The following SHC3 variants were observed in gnomAD, a reference collection of about 807,000 sequenced individuals.
SHC3 encodes the protein SHC adaptor protein 3.
Under a neutral mutation model 60.4 loss-of-function variants are expected in SHC3, and 15 were observed. The observed-to-expected ratio is 0.25, with a 90% CI of 0.17 to 0.38. SHC3 has a LOEUF of 0.38. Among genes scored for constraint, SHC3 ranks in the 10% least tolerant of loss-of-function variants. SHC3 has a pLI of 1.00. For synonymous variants in SHC3, 294 were observed against 325.9 expected (o/e 0.90, Z 1.05); for missense variants, 677 against 786.1 (o/e 0.86, Z 1.66).
At chr9:89,169,114 T>C (rs1032279762) in intron 1 of SHC3, among the ~76,000 whole-genome samples, 3 of 152,186 alleles carry the variant, frequency 2.0e-5, no homozygotes, top group African/African-American at 7.2e-5. Flanking sequence ...CAACTCTTGG[T>C]TCTGTTTCTC....
intron 11 of SHC3, 117 bp from the exon 12 acceptor site, chr9:89,013,692 C>A (rs1826047886): frequency 9.2e-6 from 13 of 1,413,658 alleles, no homozygotes; most frequent in African/African-American, 1.5e-5. Context: ...GAGGGGGGGA[C>A]AAGGGGCTTC....
intron 1 of SHC3, among the ~76,000 whole-genome samples, chr9:89,171,430 A>G (rs1256385488): frequency 6.6e-6 from 1 of 152,232 alleles, no homozygotes; most frequent in Non-Finnish European, 1.5e-5. Flanking sequence ...GTGAAGGCCA[A>G]GTTCCAGAGT....
rs772159846 is a variant in SHC3, at chr9:89,038,044, G to A, written c.1605C>T (p.Gly535=). 18 of 1,613,386 alleles carry A rather than the reference G, an allele frequency of 1.1e-5. No homozygotes were observed. The East Asian group carries it at 4.0e-4, about 36-fold the overall frequency. Residue 535 remains glycine (G), a synonymous_variant, in exon 11 of 12, where the codon GGC becomes GGT. Transcript: ENST00000375835. Reference sequence around the variant, plus strand: ...GGTGCTTGGCCTGGCCATTGTGCATGCCCGTGAGGACAAAGGAGCCCGGGT... The same window carrying A: ...GGTGCTTGGCCTGGCCATTGTGCATACCCGTGAGGACAAAGGAGCCCGGGT... The part of the protein sequence containing the change: ...TTNPGSFVLT[G]MHNGQAKHLL...
intron 6 of SHC3, among the ~76,000 whole-genome samples, chr9:89,063,144 T>G (rs952188477): frequency 6.6e-6 from 1 of 152,216 alleles, no homozygotes; most frequent in African/African-American, 2.4e-5. Flanking sequence ...GACAGCTTTT[T>G]TTTTGAGACG....
At chr9:89,063,927 T>C (rs1442269968) in intron 6 of SHC3, among the ~76,000 whole-genome samples, 2 of 152,254 alleles carry the variant, frequency 1.3e-5, no homozygotes, top group African/African-American at 2.4e-5. Context: ...CACCACAGGC[T>C]GGGTGACTTC....
intron 1 of SHC3, among the ~76,000 whole-genome samples, chr9:89,124,690 G>T (rs1293665644): frequency 6.6e-6 from 1 of 152,042 alleles, no homozygotes; most frequent in African/African-American, 2.4e-5. Flanking sequence ...CCTGTCAGGG[G>T]GTGAGGGGAA....
At chr9:89,073,771 A>T (rs1353283764) in intron 4 of SHC3, among the ~76,000 whole-genome samples, 2 of 152,176 alleles carry the variant, frequency 1.3e-5, no homozygotes, top group African/African-American at 4.8e-5. Flanking sequence ...CAGGGAGAAG[A>T]TCCCACAGAT....
chr9:89,090,084 T>C (rs1825598499), intron 2 of SHC3, among the ~76,000 whole-genome samples: 1 of 152,180 alleles, frequency 6.6e-6, no homozygotes, highest in African/African-American at 2.4e-5. Context: ...GCAGACAGCA[T>C]CTCATTTGAT....
rs540341270 is a variant in SHC3, at chr9:89,112,839, A to G, written c.475-213T>C. Among the ~76,000 whole-genome samples the G allele has an allele frequency of 3.9e-5, 6 of 152,258 alleles. No homozygotes were observed. The East Asian group carries it at 1.2e-3, about 29-fold the overall frequency. ...AGTGGTTAGATTGGCACTACACTGGATTTTTCTAAAACCTGTTAGTATTTT... is the reference window on the plus strand; with the variant it reads ...AGTGGTTAGATTGGCACTACACTGGGTTTTTCTAAAACCTGTTAGTATTTT... On this transcript the variant is annotated intron_variant, in intron 1 of 11. Coordinates refer to ENST00000375835, the MANE Select transcript of SHC3 (RefSeq NM_016848.6).
chr9:89,064,121 C>A (rs1292706092), intron 6 of SHC3, among the ~76,000 whole-genome samples: 1 of 152,224 alleles, frequency 6.6e-6, no homozygotes, highest in African/African-American at 2.4e-5. Context: ...ATTCACAAGG[C>A]TTCCCCCTCA....
chr9:89,151,070 G>A lies in SHC3; in HGVS notation c.474+26917C>T, dbSNP rs185749629. ...GTCTTATTCTGTTTCCCAGGCTGGA[G>A]TGCAGTGCTGTGGTCACTGCTCACT... On this transcript the variant is annotated intron_variant, in intron 1 of 11. Transcript: ENST00000375835. 1.7e-4 allele frequency among the ~76,000 whole-genome samples: 26 copies of A among 150,628 alleles called. No individual in the cohort carries two copies. The East Asian group carries it at 4.7e-3, about 27-fold the overall frequency.
At chr9:89,136,627 CAATA>C (rs1354847958) in intron 1 of SHC3, among the ~76,000 whole-genome samples, 4 of 152,188 alleles carry the variant, frequency 2.6e-5, no homozygotes, top group Non-Finnish European at 5.9e-5. Context: ...AGCATATTAT[CAATA>C]AATAACCATA....
At chr9:89,067,719 G>C (rs927026318) in intron 5 of SHC3, among the ~76,000 whole-genome samples, 1 of 152,138 alleles carries the variant, frequency 6.6e-6, no homozygotes, top group African/African-American at 2.4e-5. Flanking sequence ...ATGGTGGCCA[G>C]GCCAGCATCA....
chr9:89,073,113 T>C (rs1002936880), intron 4 of SHC3, among the ~76,000 whole-genome samples: 4 of 152,120 alleles, frequency 2.6e-5, no homozygotes, highest in African/African-American at 7.2e-5. Context: ...AATGAGGAAA[T>C]AGCAACCACC....
At chr9:89,059,356 T>TGTAGTGGAGGATGCGGTGGAGGAC (rs1564108720) in intron 6 of SHC3, among the ~76,000 whole-genome samples, 9 of 92,574 alleles carry the variant, frequency 9.7e-5, no homozygotes, top group Non-Finnish European at 1.7e-4. Context: ...TGGTGGAGGA[T>TGTAGTGGAGGATGCGGTGGAGGAC]GTAGTGGAGG....
At chr9:89,060,466 C>G (rs976630740) in intron 6 of SHC3, among the ~76,000 whole-genome samples, 1 of 151,850 alleles carries the variant, frequency 6.6e-6, no homozygotes, top group African/African-American at 2.4e-5. Flanking sequence ...ATACCTGAAG[C>G]GAGTCAGGGA....
chr9:89,051,377 AT>A (rs1238335367), intron 7 of SHC3, among the ~76,000 whole-genome samples: 8 of 152,208 alleles, frequency 5.3e-5, no homozygotes, highest in Non-Finnish European at 1.5e-5. Flanking sequence ...AAACTCAGTG[AT>A]AGAACCTGAA....
At chr9:89,105,299 A>G (rs796775176) in intron 2 of SHC3, among the ~76,000 whole-genome samples, 15 of 152,244 alleles carry the variant, frequency 9.9e-5, no homozygotes, top group African/African-American at 3.6e-4. Flanking sequence ...TTCTAGCTCA[A>G]ATCTTGACTT....
At chr9:89,039,165 T>C (rs1268076410) in intron 10 of SHC3, among the ~76,000 whole-genome samples, 2 of 152,210 alleles carry the variant, frequency 1.3e-5, no homozygotes, top group Admixed American at 1.3e-4. Flanking sequence ...CCCATAAGCA[T>C]ACACATACAT....
Sources: allele counts gnomAD v4.1 joint callset (sites outside exome capture counted in the v4.1 genomes callset), GRCh38; gene constraint gnomAD v4.1.1; transcripts MANE v1.5; gene names NCBI Gene and HGNC (gene_info 2026-07-23, HGNC 2026-07-21).